TPT1: variants seen among roughly 807,000 people sequenced by gnomAD.
TPT1 encodes translationally-controlled tumor protein.
TPT1 carries 5 observed loss-of-function variants against 22.8 expected under a neutral mutation model. That is an observed-to-expected ratio of 0.22 (90% CI 0.11 to 0.46). The LOEUF is 0.46. Among genes scored for constraint, TPT1 ranks in the 20% least tolerant of loss-of-function variants. The probability of loss-of-function intolerance (pLI) is 0.99; values close to 1 mark genes in which losing one functional copy is unlikely to be tolerated. For missense variants in TPT1, 130 were observed against 218.7 expected (o/e 0.59, Z 2.56); for synonymous variants, 89 against 73.6 (o/e 1.21, Z -1.07).
rs1454288932 is a variant in TPT1, at chr13:45,340,124, C to G, written c.163G>C (p.Glu55Gln). The change falls in exon 3 of 6, where the codon GAA (glutamate) becomes CAA (glutamine). Residue 55 changes from glutamate (E) to glutamine (Q), a missense_variant. Transcript: ENST00000530705. ...DSLIGGNASAEGPEGEGTEST... is the reference protein window; with the variant it reads ...DSLIGGNASAQGPEGEGTEST... ...TCGGTACCTTCGCCCTCGGGGCCTTCAGCGGAGGCATTTCCACCAATGAGC... is the reference window on the plus strand; with the variant it reads ...TCGGTACCTTCGCCCTCGGGGCCTTGAGCGGAGGCATTTCCACCAATGAGC... The G allele has an allele frequency of 1.9e-6, 3 of 1,614,152 alleles. No individual in the cohort carries two copies. The highest frequency in any genetic ancestry group is 2.5e-6 in the Non-Finnish European group (3 of 1,180,010).
Position 45,337,499 on chromosome 13 carries a change from A to G in TPT1, c.517-111T>C, listed in dbSNP as rs768983518. 4.6e-5 allele frequency: 74 copies of G among 1,614,054 alleles called. No individual in the cohort carries two copies. The highest frequency in any genetic ancestry group is 1.2e-4 in the Admixed American group (7 of 60,024). On this transcript the variant is annotated intron_variant, in intron 5 of 5. Coordinates refer to ENST00000530705, the MANE Select transcript of TPT1 (RefSeq NM_003295.4). ...GGCTAAAGATGTATTCCCCAATTCA[A>G]TCTGGGCCGCCACAAAGACAGACAG...
Position 45,337,350 on chromosome 13 carries a change from T to C in TPT1, c.*36A>G, listed in dbSNP as rs778163836. ...GATGACAAGCAGAAGCCAGTTATGA[T>C]GACAGGTGATAGATCCAAAATAATT... On this transcript the variant is annotated 3_prime_UTR_variant, in exon 6 of 6. Coordinates refer to ENST00000530705, the MANE Select transcript of TPT1 (RefSeq NM_003295.4). 1.3e-5 allele frequency: 21 copies of C among 1,609,534 alleles called. No individual in the cohort carries two copies. Among genetic ancestry groups the C allele is most frequent in the Admixed American group, 3.3e-5 (2 of 59,976 alleles).
intron 5 of TPT1, chr13:45,337,618 T>A (rs763831592): frequency 1.3e-6 from 2 of 1,548,638 alleles, no homozygotes; most frequent in South Asian, 2.2e-5. Context: ...AGAACACCCT[T>A]ACCAAATCAG....
In TPT1 at chr13:45,340,083, A is replaced by T; in HGVS notation, c.204T>A (p.Thr68=). Residue 68 remains threonine (T), a synonymous_variant, in exon 3 of 6, where the codon ACT becomes ACA. Coordinates refer to ENST00000530705, the MANE Select transcript of TPT1 (RefSeq NM_003295.4). The stretch of plus-strand genomic sequence containing the variant: ...GATGGTTCATGACAATATCGACACC[A>T]GTGATTACTGTGCTTTCGGTACCTT... The part of the protein sequence containing the change: ...EGEGTESTVI[T]GVDIVMNHHL... The T allele has an allele frequency of 6.2e-7, 1 of 1,614,226 alleles. No homozygotes were observed. The highest frequency in any genetic ancestry group is 8.5e-7 in the Non-Finnish European group (1 of 1,180,038).
rs1328360092 is a variant in TPT1 at position 45,336,609 on chromosome 13, A to T, written c.*777T>A. 6.6e-6 allele frequency: 1 copy of T among 152,228 alleles called. No homozygotes were observed. The highest frequency in any genetic ancestry group is 6.5e-5 in the Admixed American group (1 of 15,280). The allele number at this position is 152,228 out of a possible 1,614,324, so 9.4% of individuals were successfully genotyped here. The stretch of plus-strand genomic sequence containing the variant: ...TAGACACAACTCTGCTCATGCACTG[A>T]CAACAGCCACAGTCAATCCATAAAT... On this transcript the variant is annotated 3_prime_UTR_variant, in exon 6 of 6. Coordinates refer to ENST00000530705, the MANE Select transcript of TPT1 (RefSeq NM_003295.4).
chr13:45,337,360 T>TA lies in TPT1; in HGVS notation c.*25dup. ...AGAAGCCAGTTATGATGACAGGTGA[T>TA]AGATCCAAAATAATTGCCACATTTG... On this transcript the variant is annotated 3_prime_UTR_variant, in exon 6 of 6. Transcript: ENST00000530705. 1.2e-6 allele frequency: 2 copies of TA among 1,613,002 alleles called. No homozygotes were observed. The highest frequency in any genetic ancestry group is 2.2e-5 in the South Asian group (2 of 91,048).
chr13:45,339,681 T>C (rs1878951229), intron 3 of TPT1, 79 bp from the exon 4 acceptor site: 14 of 1,370,644 alleles, frequency 1.0e-5, no homozygotes, highest in African/African-American at 1.5e-5. Context: ...ATATCCAAGC[T>C]TAAAAAAAGA....
At chr13:45,340,870 T>C (rs991079321) in intron 1 of TPT1, 85 bp from the exon 2 acceptor site, 14 of 1,456,860 alleles carry the variant, frequency 9.6e-6, no homozygotes, top group African/African-American at 2.9e-5. Flanking sequence ...GCACGCGGGA[T>C]CTGCCCCTCC....
rs1878738001 is a variant in TPT1, at chr13:45,336,878, A to C, written c.*508T>G. On this transcript the variant is annotated 3_prime_UTR_variant, in exon 6 of 6. Coordinates refer to ENST00000530705, the MANE Select transcript of TPT1 (RefSeq NM_003295.4). The stretch of plus-strand genomic sequence containing the variant: ...AGCTGAGACAAAGTTGCTTCCACTG[A>C]ATGAGTCTCTTTTTATTCTCTTGGT... The C allele has an allele frequency of 6.4e-6, 1 of 155,472 alleles. No individual in the cohort carries two copies. The highest frequency in any genetic ancestry group is 1.4e-5 in the Non-Finnish European group (1 of 70,350). 9.6% of individuals were successfully genotyped at this position (155,472 alleles called of 1,614,324 possible).
At chr13:45,340,371 G>A (rs1190113910) in intron 2 of TPT1, 187 bp from the exon 3 acceptor site, 2 of 915,038 alleles carry the variant, frequency 2.2e-6, no homozygotes, top group Non-Finnish European at 3.5e-6. Context: ...TTGTCTGTTG[G>A]CCGGAACAAA....
In TPT1 at chr13:45,338,955, G is replaced by C. The variant is rs1878898372; in HGVS notation, c.400-179C>G. The C allele has an allele frequency of 3.1e-5, 16 of 515,338 alleles. No individual in the cohort carries two copies. In the South Asian group the frequency reaches 5.3e-4, roughly 17 times the overall value. The allele number at this position is 515,338 out of a possible 1,614,324, so 31.9% of individuals were successfully genotyped here. A position where few individuals can be genotyped will look rare whatever the true frequency, so the allele number is the denominator to read the frequency against. ...TTCACTGGATTAAGGCACCTTAATA[G>C]TGACCTAAATAGAAAAATAACGTAC... On this transcript the variant is annotated intron_variant, in intron 4 of 5. Transcript: ENST00000530705.
chr13:45,340,790 C>A lies in TPT1; in HGVS notation c.29-5G>T. The A allele has an allele frequency of 6.6e-7, 1 of 1,513,180 alleles. No individual in the cohort carries two copies. Among genetic ancestry groups the A allele is most frequent in the Non-Finnish European group, 8.8e-7 (1 of 1,131,480 alleles). 93.7% of individuals were successfully genotyped at this position (1,513,180 alleles called of 1,614,324 possible). ...TGTCGGAGAACATCTCATCGTCTGC[C>A]GGATACACAGAGCCGCCCATCACCG... On this transcript the variant is annotated splice_region_variant and splice_polypyrimidine_tract_variant and intron_variant, in intron 1 of 5. Transcript: ENST00000530705.
intron 5 of TPT1, chr13:45,337,660 G>A: frequency 8.6e-7 from 1 of 1,162,078 alleles, no homozygotes; most frequent in Non-Finnish European, 1.3e-6. Flanking sequence ...GCTGTGGCAT[G>A]TACCACCCAC....
rs1878884857 is a variant in TPT1 at position 45,338,774 on chromosome 13, G to A, written c.402C>T (p.Phe134=). ...HILANFKNYQ[F]FIGENMNPDG... ...CTGGATTCATGTTTTCACCAATAAAGAACTTGGGAAGCAAACAAAATACCT... is the reference window on the plus strand; with the variant it reads ...CTGGATTCATGTTTTCACCAATAAAAAACTTGGGAAGCAAACAAAATACCT... The change falls in exon 5 of 6, where the codon TTC becomes TTT. Residue 134 remains phenylalanine, a splice_region_variant and synonymous_variant. Coordinates refer to ENST00000530705, the MANE Select transcript of TPT1 (RefSeq NM_003295.4). 1.9e-6 allele frequency: 3 copies of A among 1,581,428 alleles called. No homozygotes were observed. Among genetic ancestry groups the A allele is most frequent in the East Asian group, 2.3e-5 (1 of 44,338 alleles).
chr13:45,338,408 C>A, intron 5 of TPT1: 2 of 607,168 alleles, frequency 3.3e-6, no homozygotes, highest in South Asian at 3.4e-5. Context: ...TGTGAGCCAC[C>A]ACACCCAGCC....
intron 5 of TPT1, chr13:45,337,754 G>A (rs761449605): frequency 1.5e-5 from 9 of 593,658 alleles, no homozygotes; most frequent in Admixed American, 6.2e-5. Flanking sequence ...AGTAATTTCT[G>A]TCTACTGTTG....
chr13:45,341,112 G>T lies in TPT1; in HGVS notation c.-43C>A, dbSNP rs1307440554. 2 of 1,609,770 alleles carry T rather than the reference G, an allele frequency of 1.2e-6. No homozygotes were observed. The highest frequency in any genetic ancestry group is 8.5e-7 in the Non-Finnish European group (1 of 1,178,100). On this transcript the variant is annotated 5_prime_UTR_variant, in exon 1 of 6. Coordinates refer to ENST00000530705, the MANE Select transcript of TPT1 (RefSeq NM_003295.4). ...GACGACGACGGCGCTAGCTTAGCAC[G>T]AGCCTGAAACTCGGAGCGAGCGCGG...
At chr13:45,340,343 C>T (rs768531492) in intron 2 of TPT1, 159 bp from the exon 3 acceptor site, 5 of 1,035,984 alleles carry the variant, frequency 4.8e-6, no homozygotes, top group Non-Finnish European at 7.3e-6. Flanking sequence ...TTTCTCAAAA[C>T]GACCTAACTT....
rs1349616501 is a variant in TPT1 at position 45,339,873 on chromosome 13, TTAA to T, written c.293+118_293+120del. 7.2e-5 allele frequency: 82 copies of T among 1,132,176 alleles called. No homozygotes were observed. In the African/African-American group the frequency reaches 1.1e-3, roughly 16 times the overall value. 70.1% of individuals were successfully genotyped at this position (1,132,176 alleles called of 1,614,324 possible). A position where few individuals can be genotyped will look rare whatever the true frequency, so the allele number is the denominator to read the frequency against. ...GCAACCACTCTTTTCCGTGAACTCA[TTAA>T]TAAAAAAGCAAGGACTTTCACAAAA... On this transcript the variant is annotated intron_variant, in intron 3 of 5. Transcript: ENST00000530705.
Sources: allele counts gnomAD v4.1 joint callset, GRCh38; gene constraint gnomAD v4.1.1; transcripts MANE v1.5; gene names NCBI Gene and HGNC (gene_info 2026-07-23, HGNC 2026-07-21).